SNRPN: variants seen among roughly 807,000 people sequenced by gnomAD.
SNRPN encodes small nuclear ribonucleoprotein-associated protein N.
A neutral mutation model predicts 25.2 loss-of-function variants in SNRPN; 7 were observed. The ratio of observed to expected loss-of-function variants is 0.28; its 90% CI spans 0.16 to 0.52. The LOEUF (loss-of-function observed/expected upper bound fraction) is 0.52. SNRPN is among the 20% of genes least tolerant of loss of function. The pLI is 0.96. For missense variants in SNRPN, 196 were observed against 322.5 expected, an observed-to-expected ratio of 0.61 and a Z score of 3.00; for synonymous variants, 124 against 110.6, an observed-to-expected ratio of 1.12 and a Z score of -0.76.
intron 2 of SNRPN, among the ~76,000 whole-genome samples, chr15:24,916,457 G>C: frequency 6.6e-6 from 1 of 152,156 alleles, no homozygotes; most frequent in East Asian, 1.9e-4. Context: ...AGGAGGCTAA[G>C]GCAGGAGGAT....
At position 24,880,334 on chromosome 15, in the gene SNRPN, C is replaced by T. The variant is rs560204957; in HGVS notation, c.-578-6182C>T. On this transcript the variant is annotated intron_variant, in intron 1 of 11. Transcript: ENST00000400097. ...GGGATGGGAGGAAAGGGGGATTCTTCACTCTTGAGTTCCGTTTTCAATCCT... is the reference window on the plus strand; with the variant it reads ...GGGATGGGAGGAAAGGGGGATTCTTTACTCTTGAGTTCCGTTTTCAATCCT... Among the ~76,000 whole-genome samples, 17 of 152,220 alleles carry T rather than the reference C, an allele frequency of 1.1e-4. No individual in the cohort carries two copies. In the East Asian group the frequency reaches 3.1e-3, roughly 28 times the overall value.
rs368498622 is a variant in SNRPN, at chr15:24,974,444, A to T, written c.-10A>T. Reference sequence around the variant, plus strand: ...TAACTGTGGACATTGGATTTGGTGGAACAGCAATCATGGTAAGCTGTATGA... The same window carrying T: ...TAACTGTGGACATTGGATTTGGTGGTACAGCAATCATGGTAAGCTGTATGA... On this transcript the variant is annotated 5_prime_UTR_variant, in exon 4 of 10. Transcript: ENST00000390687. 1.2e-6 allele frequency: 2 copies of T among 1,613,694 alleles called. No homozygotes were observed.
chr15:24,976,556 T>G, intron 6 of SNRPN, 140 bp downstream of exon 6: 1 of 697,950 alleles, frequency 1.4e-6, no homozygotes, highest in South Asian at 1.8e-5. Flanking sequence ...TATCAATTGT[T>G]GGTTGCCTAT....
At chr15:24,888,493 AT>A (rs1354966496) in intron 2 of SNRPN, among the ~76,000 whole-genome samples, 3 of 152,100 alleles carry the variant, frequency 2.0e-5, no homozygotes, top group East Asian at 3.9e-4. Flanking sequence ...TTGTTTTGCA[AT>A]TTTTTTCTTT....
At chr15:24,871,345 T>A (rs1486106759) in intron 1 of SNRPN, among the ~76,000 whole-genome samples, 1 of 152,050 alleles carries the variant, frequency 6.6e-6, no homozygotes, top group African/African-American at 2.4e-5. Flanking sequence ...ACTGTCCTCC[T>A]TGGAGAGTCC....
chr15:24,901,724 G>A (rs1182432869), intron 2 of SNRPN, among the ~76,000 whole-genome samples: 1 of 152,126 alleles, frequency 6.6e-6, no homozygotes, highest in Admixed American at 6.6e-5. Context: ...ACAACATAAG[G>A]AGTCAACATC....
intron 1 of SNRPN, among the ~76,000 whole-genome samples, chr15:24,874,473 C>G (rs369540723): frequency 6.6e-6 from 1 of 152,008 alleles, no homozygotes; most frequent in East Asian, 1.9e-4. Flanking sequence ...GTCTATCCAC[C>G]GTGGGTTTAT....
chr15:24,882,135 C>G (rs2056755784), intron 1 of SNRPN, among the ~76,000 whole-genome samples: 1 of 152,000 alleles, frequency 6.6e-6, no homozygotes, highest in South Asian at 2.1e-4. Flanking sequence ...TTTTTATGTT[C>G]TTCTGTGTGC....
chr15:24,846,490 G>A (rs1247186081), intron 2 of SNRPN, among the ~76,000 whole-genome samples: 1 of 152,180 alleles, frequency 6.6e-6, no homozygotes, highest in African/African-American at 2.4e-5. Flanking sequence ...CAGAGGGGTT[G>A]TAGTAGGGAA....
chr15:24,884,718 C>A (rs1274071754), intron 1 of SNRPN, among the ~76,000 whole-genome samples: 1 of 152,090 alleles, frequency 6.6e-6, no homozygotes, highest in Non-Finnish European at 1.5e-5. Flanking sequence ...TATATTTTTT[C>A]TTATTTTGAT....
At chr15:24,845,074 C>A (rs2052066842) in intron 2 of SNRPN, among the ~76,000 whole-genome samples, 1 of 152,052 alleles carries the variant, frequency 6.6e-6, no homozygotes, top group African/African-American at 2.4e-5. Context: ...ACTCTCCTTT[C>A]TTCAATTCAA....
rs1396036961 is a variant in SNRPN, at chr15:24,873,488, C to T, written c.-578-13028C>T. On this transcript the variant is annotated intron_variant, in intron 1 of 11. Coordinates refer to the SNRPN transcript ENST00000400097. ...TTTGAGACAAAGTCTCGCTCTGTTG[C>T]CCAGGCTAGAGTGCAGTGGTGCAAT... 2.1e-5 allele frequency among the ~76,000 whole-genome samples: 3 copies of T among 140,358 alleles called. No homozygotes were observed. The Admixed American group carries it at 2.3e-4, about 11-fold the overall frequency. The allele number at this position is 140,358 out of a possible 152,430, so 92.1% of individuals were successfully genotyped here. A position where few individuals can be genotyped will look rare whatever the true frequency, so the allele number is the denominator to read the frequency against.
upstream of SNRPN, among the ~76,000 whole-genome samples, chr15:24,954,453 C>T (rs1022919984): frequency 6.6e-6 from 1 of 152,140 alleles, no homozygotes; most frequent in Admixed American, 6.5e-5. Flanking sequence ...TCACAATTTA[C>T]CCCCTCAAAA....
At chr15:24,969,133 AATTT>A (rs1479418436) in intron 3 of SNRPN, among the ~76,000 whole-genome samples, 2 of 151,684 alleles carry the variant, frequency 1.3e-5, no homozygotes, top group Non-Finnish European at 2.9e-5. Flanking sequence ...GTTATTAATT[AATTT>A]ATTTATTTAG....
At chr15:24,909,121 G>C in intron 2 of SNRPN, 9 of 1,340,170 alleles carry the variant, frequency 6.7e-6, no homozygotes, top group Non-Finnish European at 9.6e-6. Flanking sequence ...CCTCCATCAT[G>C]TCTGGAGTTA....
At chr15:24,944,935 A>G (rs1019956746) in intron 3 of SNRPN, among the ~76,000 whole-genome samples, 4 of 152,296 alleles carry the variant, frequency 2.6e-5, no homozygotes, top group African/African-American at 4.8e-5. Flanking sequence ...ATGGGTTTCA[A>G]TTGAATGGAT....
intron 3 of SNRPN, among the ~76,000 whole-genome samples, chr15:24,970,842 A>G (rs761001809): frequency 5.3e-5 from 8 of 152,162 alleles, no homozygotes; most frequent in Non-Finnish European, 1.2e-4. Context: ...CCTTTCCAAT[A>G]AAGGAAATTT....
chr15:24,850,800 C>G (rs1050276083), intron 2 of SNRPN: 3 of 152,176 alleles, frequency 2.0e-5, no homozygotes, highest in African/African-American at 7.2e-5. Flanking sequence ...AGGGCTCACT[C>G]CTGTCCTAAA....
At chr15:24,836,365 G>A (rs1051059401) in intron 2 of SNRPN, among the ~76,000 whole-genome samples, 6 of 152,000 alleles carry the variant, frequency 3.9e-5, no homozygotes, top group African/African-American at 1.5e-4. Flanking sequence ...CAAGGTTCGT[G>A]GCTGAGTCCT....
Sources: gnomAD v4.1 joint callset for allele counts (sites outside exome capture counted in the v4.1 genomes callset) on GRCh38, gnomAD v4.1.1 for gene constraint, MANE v1.5 for transcripts, NCBI Gene and HGNC (gene_info 2026-07-23, HGNC 2026-07-21) for gene names.